The following RGS7 variants were observed in gnomAD, a reference collection of about 807,000 sequenced individuals.
RGS7 encodes the protein regulator of G protein signaling 7.
A neutral mutation model predicts 81.1 loss-of-function variants in RGS7; 27 were observed. That is an observed-to-expected ratio of 0.33 (90% CI 0.25 to 0.46). The LOEUF (loss-of-function observed/expected upper bound fraction) is 0.46. RGS7 is among the 20% of genes least tolerant of loss of function. RGS7 has a pLI of 1.00. For missense variants in RGS7, 396 were observed against 607.4 expected, an observed-to-expected ratio of 0.65 and a Z score of 3.66; for synonymous variants, 208 against 207.7, an observed-to-expected ratio of 1.00 and a Z score of -0.01.
At chr1:241,308,545 CTG>C (rs1165171664) in intron 2 of RGS7, among the ~76,000 whole-genome samples, 1 of 152,216 alleles carries the variant, frequency 6.6e-6, no homozygotes, top group Non-Finnish European at 1.5e-5. Flanking sequence ...CCAGAGAAGA[CTG>C]TGCCCAGCTG....
At chr1:240,881,495 A>G (rs185412249) in intron 6 of RGS7, among the ~76,000 whole-genome samples, 245 of 152,340 alleles carry the variant, frequency 1.6e-3, no homozygotes, top group African/African-American at 5.5e-3. Flanking sequence ...AACTTAAAGT[A>G]TAATAATAAA....
At chr1:240,870,227 A>T (rs759631401) in intron 6 of RGS7, 108 bp from the exon 7 acceptor site, 3 of 872,766 alleles carry the variant, frequency 3.4e-6, no homozygotes, top group Non-Finnish European at 5.7e-6. Flanking sequence ...CCAAGTTGTA[A>T]TTTTTGATCA....
chr1:240,976,326 T>C (rs978716689), intron 4 of RGS7, among the ~76,000 whole-genome samples: 1 of 137,262 alleles, frequency 7.3e-6, no homozygotes, highest in African/African-American at 2.6e-5. Flanking sequence ...ATGGAAGCAA[T>C]GGGGTGGACT....
chr1:241,253,185 C>A (rs1018319051), intron 2 of RGS7, among the ~76,000 whole-genome samples: 5 of 152,190 alleles, frequency 3.3e-5, no homozygotes, highest in Admixed American at 6.5e-5. Flanking sequence ...TGGATGAGAA[C>A]CATTATCATT....
At chr1:241,098,919 G>C (rs911754357) in intron 2 of RGS7, among the ~76,000 whole-genome samples, 157 bp from the exon 3 acceptor site, 2 of 152,084 alleles carry the variant, frequency 1.3e-5, no homozygotes, top group Non-Finnish European at 2.9e-5. Flanking sequence ...TTTAAATACT[G>C]TTAAAAAGAG....
At chr1:241,194,538 A>G (rs2072924745) in intron 2 of RGS7, among the ~76,000 whole-genome samples, 1 of 152,212 alleles carries the variant, frequency 6.6e-6, no homozygotes, top group South Asian at 2.1e-4. Flanking sequence ...TAAACTCAGT[A>G]AAGCCACTGA....
At chr1:241,275,427 C>T (rs1410902117) in intron 2 of RGS7, among the ~76,000 whole-genome samples, 1 of 152,172 alleles carries the variant, frequency 6.6e-6, no homozygotes, top group Non-Finnish European at 1.5e-5. Flanking sequence ...TAACAGGATA[C>T]TTGTTTAGAC....
intron 6 of RGS7, among the ~76,000 whole-genome samples, chr1:240,877,215 C>T (rs1665575594): frequency 6.6e-6 from 1 of 151,138 alleles, no homozygotes; most frequent in Non-Finnish European, 1.5e-5. Context: ...AATTCCTCCT[C>T]ATTGTAAAAG....
intron 2 of RGS7, among the ~76,000 whole-genome samples, chr1:241,149,342 C>A (rs2068584242): frequency 6.6e-6 from 1 of 151,998 alleles, no homozygotes; most frequent in Admixed American, 6.6e-5. Context: ...AATGTTTTTG[C>A]ATTTTTGTAT....
chr1:240,879,333 T>C (rs549968527), intron 6 of RGS7, among the ~76,000 whole-genome samples: 1 of 152,388 alleles, frequency 6.6e-6, no homozygotes, highest in African/African-American at 2.4e-5. Context: ...ATTTTCTACA[T>C]GTATTTGCCT....
intron 2 of RGS7, among the ~76,000 whole-genome samples, chr1:241,192,745 T>C (rs2072778906): frequency 2.6e-5 from 4 of 152,128 alleles, no homozygotes; most frequent in Admixed American, 2.6e-4. Flanking sequence ...TCAGGAGGAC[T>C]TTCTCTTTCT....
chr1:241,298,129 A>C (rs917879781), intron 2 of RGS7, among the ~76,000 whole-genome samples: 2 of 152,210 alleles, frequency 1.3e-5, no homozygotes, highest in Non-Finnish European at 2.9e-5. Context: ...TAAATCTGCT[A>C]CAAGAACCTT....
intron 9 of RGS7, among the ~76,000 whole-genome samples, chr1:240,855,343 A>T (rs1455459031): frequency 1.7e-4 from 25 of 149,196 alleles, no homozygotes; most frequent in Non-Finnish European, 2.8e-4. Context: ...AACAAAGAAG[A>T]AAAGGAAGAA....
At chr1:241,110,687 A>G in intron 2 of RGS7, among the ~76,000 whole-genome samples, 1 of 143,334 alleles carries the variant, frequency 7.0e-6, no homozygotes, top group Non-Finnish European at 1.5e-5. Flanking sequence ...ACAGGGTCTC[A>G]CTCACTCTTT....
At position 241,354,978 on chromosome 1, in the gene RGS7, C is replaced by T. The variant is rs569867740; in HGVS notation, c.78+721G>A. ...CTCAAAAGCACATGTAATAGTTAAA[C>T]GCATCTTTATTATGGTTGCTCAGTG... On this transcript the variant is annotated intron_variant, in intron 2 of 18. Transcript: ENST00000440928. Among the ~76,000 whole-genome samples the T allele has an allele frequency of 2.8e-4, 43 of 152,264 alleles. 1 individual carries two copies. The highest frequency in any genetic ancestry group is 4.9e-4 in the Non-Finnish European group (33 of 68,016).
At chr1:241,173,527 G>A (rs564993437) in intron 2 of RGS7, among the ~76,000 whole-genome samples, 7 of 152,258 alleles carry the variant, frequency 4.6e-5, no homozygotes, top group Admixed American at 3.3e-4. Context: ...GCTCATACCT[G>A]TAATCCTACA....
At chr1:241,178,096 G>A (rs1407353664) in intron 2 of RGS7, among the ~76,000 whole-genome samples, 1 of 152,094 alleles carries the variant, frequency 6.6e-6, no homozygotes, top group Non-Finnish European at 1.5e-5. Context: ...AGAAAAGCCT[G>A]GGCAATATAG....
intron 6 of RGS7, among the ~76,000 whole-genome samples, chr1:240,874,586 A>C (rs1665042956): frequency 6.6e-6 from 1 of 152,214 alleles, no homozygotes; most frequent in Admixed American, 6.5e-5. Flanking sequence ...TAACATTAAA[A>C]ATTTTTAAAA....
chr1:241,034,434 T>C (rs2148741444), intron 3 of RGS7, among the ~76,000 whole-genome samples: 1 of 152,316 alleles, frequency 6.6e-6, no homozygotes, highest in East Asian at 1.9e-4. Context: ...TCCTTTCATT[T>C]ATCAAGCACT....
Sources: gnomAD v4.1 joint callset for allele counts (sites outside exome capture counted in the v4.1 genomes callset) on GRCh38, gnomAD v4.1.1 for gene constraint, MANE v1.5 for transcripts, NCBI Gene and HGNC (gene_info 2026-07-23, HGNC 2026-07-21) for gene names.